The following TLN2 variants were observed in gnomAD, a reference collection of about 807,000 sequenced individuals.
The protein encoded by TLN2 is talin 2.
TLN2 carries 118 observed loss-of-function variants against 294.7 expected under a neutral mutation model. The observed-to-expected ratio is 0.40, with a 90% CI of 0.34 to 0.47. The LOEUF is 0.47. Among genes scored for constraint, TLN2 ranks in the 20% least tolerant of loss-of-function variants. TLN2 has a pLI of 0.84. For synonymous variants in TLN2, 1,431 were observed against 1,304.5 expected, an observed-to-expected ratio of 1.10 and a Z score of -2.09; for missense variants, 3,083 against 3,282.2, an observed-to-expected ratio of 0.94 and a Z score of 1.48.
At chr15:62,719,106 G>A (rs560724875) in intron 24 of TLN2, among the ~76,000 whole-genome samples, 20 of 152,200 alleles carry the variant, frequency 1.3e-4, no homozygotes, top group Non-Finnish European at 2.2e-4. Flanking sequence ...AAGGAGGTGC[G>A]GGCACAGAAA....
intron 1 of TLN2, among the ~76,000 whole-genome samples, chr15:62,548,109 T>G (rs894025302): frequency 6.6e-6 from 1 of 152,108 alleles, no homozygotes; most frequent in Non-Finnish European, 1.5e-5. Context: ...AGATGACAAC[T>G]AATATCGATA....
intron 7 of TLN2, among the ~76,000 whole-genome samples, chr15:62,654,751 C>A (rs2053001600): frequency 1.1e-5 from 1 of 90,224 alleles, no homozygotes; most frequent in Non-Finnish European, 2.0e-5. Flanking sequence ...CGTGACTCTG[C>A]CTCAAAAAAA....
At position 62,762,292 on chromosome 15, in the gene TLN2, A is replaced by G. The variant is rs1014556144; in HGVS notation, c.4800A>G (p.Pro1600=). The part of the protein sequence containing the change: ...ISSEGSQAQE[P]ILVSAKTMLE... ...CTCAGGGTTCCCAGGCACAGGAACC[A>G]ATCCTGGTCTCAGCCAAGACCATGC... Residue 1600 remains proline (P), a synonymous_variant, in exon 39 of 59, where the codon CCA becomes CCG. Coordinates refer to ENST00000636159, the MANE Select transcript of TLN2 (RefSeq NM_015059.3). 6 of 1,614,052 alleles carry G rather than the reference A, an allele frequency of 3.7e-6. No homozygotes were observed. Among genetic ancestry groups the G allele is most frequent in the Non-Finnish European group, 5.1e-6 (6 of 1,180,044 alleles).
At chr15:62,460,261 T>TG (rs936891328) in intron 1 of TLN2, among the ~76,000 whole-genome samples, 1 of 99,932 alleles carries the variant, frequency 1.0e-5, no homozygotes, top group Non-Finnish European at 2.2e-5. Flanking sequence ...AGCCACATGG[T>TG]TTTTTTTTTT....
In TLN2 at chr15:62,753,252, T is replaced by C. The variant is rs557890086; in HGVS notation, c.4333-521T>C. Among the ~76,000 whole-genome samples, 4 of 152,300 alleles carry C rather than the reference T, an allele frequency of 2.6e-5. 1 individual carries two copies. The South Asian group carries it at 8.3e-4, about 32-fold the overall frequency. ...TACTCAATTACAAAGTTAAGATCCC[T>C]TCTGCTGTTGAAAATACTGACCTAA... On this transcript the variant is annotated intron_variant, in intron 35 of 58. Transcript: ENST00000636159.
chr15:62,673,310 C>CTTTTTTGTTTTTTTTTTT (rs2055686260), intron 9 of TLN2, among the ~76,000 whole-genome samples: 1 of 42,856 alleles, frequency 2.3e-5, no homozygotes, highest in Non-Finnish European at 4.3e-5. Context: ...TTAGATGTTG[C>CTTTTTTGTTTTTTTTTTT]TTTTTTTTTT....
At chr15:62,792,504 AAC>A (rs2141118210) in intron 45 of TLN2, 135 bp from the exon 46 acceptor site, 1 of 1,207,520 alleles carries the variant, frequency 8.3e-7, no homozygotes, top group African/African-American at 1.5e-5. Context: ...TACTTCACCA[AAC>A]ACAGACTCCT....
At chr15:62,796,353 C>A (rs971227654) in intron 47 of TLN2, 60 bp downstream of exon 47, 3 of 1,538,286 alleles carry the variant, frequency 2.0e-6, no homozygotes, top group South Asian at 1.3e-5. Context: ...AACTCATGAT[C>A]GACTTGGAGA....
At chr15:62,776,410 T>C (rs1043656238) in intron 42 of TLN2, among the ~76,000 whole-genome samples, 3 of 152,198 alleles carry the variant, frequency 2.0e-5, no homozygotes, top group African/African-American at 7.2e-5. Flanking sequence ...TTTAAGCACA[T>C]TTTTTCATTA....
At position 62,722,218 on chromosome 15, in the gene TLN2, G is replaced by A. The variant is rs995519277; in HGVS notation, c.2992-135G>A. The A allele has an allele frequency of 7.2e-5, 72 of 1,005,062 alleles. 1 individual carries two copies. In the East Asian group the frequency reaches 1.7e-3, roughly 24 times the overall value. 62.3% of individuals were successfully genotyped at this position (1,005,062 alleles called of 1,614,324 possible). A position where few individuals can be genotyped will look rare whatever the true frequency, so the allele number is the denominator to read the frequency against. On this transcript the variant is annotated intron_variant, in intron 25 of 58. Coordinates refer to ENST00000636159, the MANE Select transcript of TLN2 (RefSeq NM_015059.3). The stretch of plus-strand genomic sequence containing the variant: ...CTTGAGGTGGCAGTTTGGGAATAGG[G>A]GATGAGTTGTTTAATATTCCTTTTT...
intron 1 of TLN2, among the ~76,000 whole-genome samples, chr15:62,458,948 G>C (rs1462471167): frequency 1.3e-5 from 2 of 152,072 alleles, no homozygotes; most frequent in African/African-American, 4.8e-5. Context: ...CCTCTATTTA[G>C]GGGTCTGCTG....
intron 1 of TLN2, among the ~76,000 whole-genome samples, chr15:62,401,557 G>A (rs1385667727): frequency 6.6e-6 from 1 of 152,188 alleles, no homozygotes; most frequent in Non-Finnish European, 1.5e-5. Context: ...ATCACCTGGA[G>A]GTTCTGATGT....
intron 2 of TLN2, among the ~76,000 whole-genome samples, chr15:62,612,245 A>G (rs145787649): frequency 6.6e-6 from 1 of 152,256 alleles, no homozygotes; most frequent in East Asian, 1.9e-4. Flanking sequence ...CCCTTTTGTC[A>G]GAGTGCTGGG....
chr15:62,840,629 C>A lies in TLN2; in HGVS notation c.*19C>A. ...GGGCTAAAGGTGCGAGCCCAGATGG[C>A]GAGCCCCAGGGGATGGCCCTGGCTG... On this transcript the variant is annotated 3_prime_UTR_variant, in exon 59 of 59. Transcript: ENST00000636159. 1.2e-6 allele frequency: 2 copies of A among 1,610,868 alleles called. No individual in the cohort carries two copies. Among genetic ancestry groups the A allele is most frequent in the South Asian group, 1.1e-5 (1 of 90,556 alleles).
intron 1 of TLN2, among the ~76,000 whole-genome samples, chr15:62,554,147 T>G (rs890988219): frequency 2.6e-5 from 4 of 151,946 alleles, no homozygotes; most frequent in African/African-American, 9.7e-5. Flanking sequence ...CAGTTGTTTC[T>G]GGAATGAGTA....
At chr15:62,485,652 C>T (rs1230423565) in intron 1 of TLN2, among the ~76,000 whole-genome samples, 1 of 152,188 alleles carries the variant, frequency 6.6e-6, no homozygotes, top group African/African-American at 2.4e-5. Flanking sequence ...CTCCCCTCTC[C>T]CACTCCCCTG....
chr15:62,792,823 C>T (rs775588670), intron 46 of TLN2, 36 bp downstream of exon 46: 3 of 1,610,720 alleles, frequency 1.9e-6, no homozygotes, highest in African/African-American at 2.7e-5. Flanking sequence ...TCACAAGAAC[C>T]TGCGCTGGCT....
Position 62,716,398 on chromosome 15 carries a change from G to A in TLN2, c.2702G>A (p.Arg901Gln), listed in dbSNP as rs773007807. 20 of 1,611,982 alleles carry A rather than the reference G, an allele frequency of 1.2e-5. No homozygotes were observed. The highest frequency in any genetic ancestry group is 6.7e-5 in the East Asian group (3 of 44,650). Residue 901 changes from arginine to glutamine, a missense_variant, in exon 23 of 59, where the codon CGG becomes CAG. By Grantham distance (43) the Arg-to-Gln change is conservative. Coordinates refer to ENST00000636159, the MANE Select transcript of TLN2 (RefSeq NM_015059.3). ...CTGAGAGAAGCTGCAGAAGGCCTCC[G>A]GGTAGCAACCAACGCAGCTGCCCAG... ...QRLREAAEGL[R>Q]VATNAAAQNA...
At chr15:62,839,931 T>C (rs2070413471) in intron 58 of TLN2, among the ~76,000 whole-genome samples, 1 of 152,252 alleles carries the variant, frequency 6.6e-6, no homozygotes, top group Non-Finnish European at 1.5e-5. Flanking sequence ...CTTTGCTTTT[T>C]TGAACACAAC....
Sources: gnomAD v4.1 joint callset for allele counts (sites outside exome capture counted in the v4.1 genomes callset) on GRCh38, gnomAD v4.1.1 for gene constraint, MANE v1.5 for transcripts, NCBI Gene and HGNC (gene_info 2026-07-23, HGNC 2026-07-21) for gene names.